The following MTM1 variants were observed in gnomAD, a reference collection of about 807,000 sequenced individuals.
MTM1 encodes the protein myotubularin 1, also known as myotubularin.
A neutral mutation model predicts 52.1 loss-of-function variants in MTM1; 9 were observed. That is an observed-to-expected ratio of 0.17 (90% CI 0.10 to 0.30). The LOEUF (loss-of-function observed/expected upper bound fraction) is 0.30, where lower values mean the gene tolerates loss of function less well. Ranked by LOEUF, MTM1 falls within the 10% of genes least tolerant of loss-of-function variation. The pLI, the probability that MTM1 is intolerant of heterozygous loss-of-function variation, is 1.00. For synonymous variants in MTM1, 136 were observed against 163.8 expected (o/e 0.83, Z 1.29); for missense variants, 277 against 470.7 (o/e 0.59, Z 3.81).
intron 1 of MTM1, among the ~76,000 whole-genome samples, chrX:150,572,224 TC>T (rs782182854): frequency 1.1e-3 from 122 of 112,196 alleles, no homozygotes; most frequent in South Asian, 1.5e-3. Context: ...TAGTGGCTCT[TC>T]CATCTGTAAG....
chrX:150,636,398 G>A (rs1160854686), intron 6 of MTM1, among the ~76,000 whole-genome samples: 1 of 111,393 alleles, frequency 9.0e-6, no homozygotes, highest in Non-Finnish European at 1.9e-5. Context: ...CAGGAATACT[G>A]GAAGCAAAAA....
chrX:150,619,938 C>T (rs2039448861), intron 6 of MTM1, among the ~76,000 whole-genome samples: 1 of 111,949 alleles, frequency 8.9e-6, no homozygotes. Flanking sequence ...GTAGAAGAGG[C>T]ATGTGTTGAA....
intron 1 of MTM1, among the ~76,000 whole-genome samples, chrX:150,583,111 T>C (rs1319673431): frequency 1.2e-5 from 1 of 83,574 alleles, no homozygotes; most frequent in African/African-American, 4.6e-5. Context: ...ATATAAATTA[T>C]AAATTATGTA....
At chrX:150,651,689 G>T (rs2040024047) in intron 10 of MTM1, among the ~76,000 whole-genome samples, 1 of 111,295 alleles carries the variant, frequency 9.0e-6, no homozygotes, top group Non-Finnish European at 1.9e-5. Flanking sequence ...ACTTAACACA[G>T]AGATGTTGGT....
intron 1 of MTM1, among the ~76,000 whole-genome samples, chrX:150,575,504 C>G (rs782742188): frequency 2.7e-5 from 3 of 112,038 alleles, no homozygotes; most frequent in African/African-American, 9.7e-5. Context: ...GGGATGGGCC[C>G]GGAGAGCTTT....
At chrX:150,599,306 A>G (rs1603128254) in intron 4 of MTM1, among the ~76,000 whole-genome samples, 1 of 112,673 alleles carries the variant, frequency 8.9e-6, no homozygotes, top group East Asian at 2.8e-4. Context: ...GGAATGTTCC[A>G]TCACTAGGAC....
chrX:150,630,661 G>A (rs1175020812), intron 6 of MTM1, among the ~76,000 whole-genome samples: 1 of 110,635 alleles, frequency 9.0e-6, no homozygotes, highest in East Asian at 2.8e-4. Flanking sequence ...TTTAATATGA[G>A]TGACTAATAT....
intron 5 of MTM1, among the ~76,000 whole-genome samples, chrX:150,615,634 A>G (rs2039371475): frequency 8.9e-6 from 1 of 111,946 alleles, no homozygotes; most frequent in African/African-American, 3.2e-5. Flanking sequence ...AGCCAGCGGA[A>G]GAGCCAGAAC....
chrX:150,596,694 C>G (rs940261816), intron 3 of MTM1, 124 bp downstream of exon 3: 1 of 529,191 alleles, frequency 1.9e-6, no homozygotes, highest in African/African-American at 2.3e-5. Flanking sequence ...TGTTTAGAAG[C>G]GTTAACACAG....
At chrX:150,610,229 G>T (rs1482715888) in intron 4 of MTM1, among the ~76,000 whole-genome samples, 2 of 111,244 alleles carry the variant, frequency 1.8e-5, no homozygotes, top group Non-Finnish European at 3.8e-5. Context: ...TGTGGACTTT[G>T]CCTATGGCTC....
At chrX:150,607,848 C>T (rs936021722) in intron 4 of MTM1, among the ~76,000 whole-genome samples, 21 of 111,730 alleles carry the variant, frequency 1.9e-4, no homozygotes, top group African/African-American at 6.2e-4. Flanking sequence ...TTATAGTTCT[C>T]ATGGGATTGA....
chrX:150,617,057 C>G (rs781991391), intron 5 of MTM1, among the ~76,000 whole-genome samples: 75 of 112,324 alleles, frequency 6.7e-4, no homozygotes, highest in African/African-American at 2.3e-3. Context: ...GGTGATCTGC[C>G]GCCTGTGAGT....
intron 4 of MTM1, among the ~76,000 whole-genome samples, chrX:150,606,435 G>A (rs1267088248): frequency 9.0e-6 from 1 of 111,676 alleles, no homozygotes; most frequent in Non-Finnish European, 1.9e-5. Context: ...ACAAGTTCAG[G>A]CTTTCAGAAA....
chrX:150,575,964 G>A (rs2038465127), intron 1 of MTM1, among the ~76,000 whole-genome samples: 1 of 111,063 alleles, frequency 9.0e-6, no homozygotes, highest in African/African-American at 3.3e-5. Flanking sequence ...AGGCGTGAGG[G>A]AGAACCTGTG....
intron 6 of MTM1, among the ~76,000 whole-genome samples, chrX:150,627,701 A>C (rs1557413450): frequency 9.0e-6 from 1 of 110,969 alleles, no homozygotes; most frequent in African/African-American, 3.3e-5. Context: ...TTTGTTTCTG[A>C]TGTGGGTGTG....
chrX:150,575,640 A>C (rs1235550285), intron 1 of MTM1, among the ~76,000 whole-genome samples: 1 of 111,779 alleles, frequency 8.9e-6, no homozygotes, highest in Non-Finnish European at 1.9e-5. Flanking sequence ...TCCTGGCATC[A>C]TGCCTGGAGT....
At chrX:150,619,249 G>T in intron 6 of MTM1, 110 bp downstream of exon 6, 1 of 592,520 alleles carries the variant, frequency 1.7e-6, no homozygotes, top group Non-Finnish European at 2.9e-6. Context: ...GTGTTTCCCA[G>T]TGTGATGTGT....
chrX:150,670,216 T>A (rs1343783300), intron 14 of MTM1, among the ~76,000 whole-genome samples: 2 of 112,465 alleles, frequency 1.8e-5, no homozygotes, highest in African/African-American at 6.5e-5. Context: ...ACAAAACTTT[T>A]AAAACTTAAC....
At position 150,671,471 on chromosome X, in the gene MTM1, T is replaced by C; in HGVS notation, c.1688T>C (p.Leu563Ser). The C allele has an allele frequency of 8.3e-7, 1 of 1,211,006 alleles. No homozygotes were observed. Among genetic ancestry groups the C allele is most frequent in the Non-Finnish European group, 1.1e-6 (1 of 895,394 alleles). Residue 563 changes from leucine to serine, a missense_variant, in exon 15 of 15, where the codon TTA (leucine) becomes TCA (serine). Transcript: ENST00000370396. ...CAGCGTTACATGGAGCTCTTAGCCT[T>C]ACGCGACGAATACATAAAGCGGCTT... is the stretch of plus-strand genomic sequence containing the variant. ...VEQRYMELLA[L>S]RDEYIKRLEE...
Sources: gnomAD v4.1 joint callset for allele counts (sites outside exome capture counted in the v4.1 genomes callset) on GRCh38, gnomAD v4.1.1 for gene constraint, MANE v1.5 for transcripts, NCBI Gene and HGNC (gene_info 2026-07-23, HGNC 2026-07-21) for gene names.